The following KDM6A variants were observed in gnomAD, a reference collection of about 807,000 sequenced individuals.
KDM6A encodes lysine demethylase 6A.
Under a neutral mutation model 117.6 loss-of-function variants are expected in KDM6A, and 11 were observed. That is an observed-to-expected ratio of 0.09 (90% CI 0.06 to 0.15). The LOEUF (loss-of-function observed/expected upper bound fraction) is 0.15, where lower values mean the gene tolerates loss of function less well. Among genes scored for constraint, KDM6A ranks in the 10% least tolerant of loss-of-function variants. The probability of loss-of-function intolerance (pLI) is 1.00; values close to 1 mark genes in which losing one functional copy is unlikely to be tolerated. For synonymous variants in KDM6A, 384 were observed against 396.1 expected (o/e 0.97, Z 0.36); for missense variants, 799 against 1,077.3 (o/e 0.74, Z 3.62).
chrX:44,964,654 G>A (rs751966487), intron 3 of KDM6A, among the ~76,000 whole-genome samples: 64 of 111,256 alleles, frequency 5.8e-4, no homozygotes, highest in Non-Finnish European at 1.1e-3. Context: ...TCTCAACAGT[G>A]GGCTGAAAAT....
intron 4 of KDM6A, among the ~76,000 whole-genome samples, chrX:44,978,833 G>A (rs1472381045): frequency 9.0e-6 from 1 of 111,709 alleles, no homozygotes; most frequent in Non-Finnish European, 1.9e-5. Flanking sequence ...ATCATGTAAT[G>A]GGGTTTAAAC....
At chrX:44,888,211 A>G (rs1351638247) in intron 2 of KDM6A, among the ~76,000 whole-genome samples, 1 of 110,832 alleles carries the variant, frequency 9.0e-6, no homozygotes, top group African/African-American at 3.3e-5. Flanking sequence ...AGGCTGAGGC[A>G]GAGAATTGCT....
At chrX:44,979,277 CTTTCTTGT>C (rs2039767676) in intron 4 of KDM6A, among the ~76,000 whole-genome samples, 1 of 111,189 alleles carries the variant, frequency 9.0e-6, no homozygotes, top group Admixed American at 9.6e-5. Flanking sequence ...GTTTTTTCTT[CTTTCTTGT>C]TTTCTTTCTT....
At chrX:45,055,837 G>A (rs775096190) in intron 10 of KDM6A, among the ~76,000 whole-genome samples, 105 of 111,626 alleles carry the variant, frequency 9.4e-4, no homozygotes, top group Admixed American at 3.2e-3. Context: ...TCTGACCTAA[G>A]ATAGTTTAAT....
chrX:44,902,285 A>G (rs977615905), intron 2 of KDM6A, among the ~76,000 whole-genome samples: 1 of 111,185 alleles, frequency 9.0e-6, no homozygotes, highest in Non-Finnish European at 1.9e-5. Context: ...GTAAGTGTTT[A>G]TTTGCATTTT....
At chrX:44,992,807 A>G (rs1173267605) in intron 4 of KDM6A, among the ~76,000 whole-genome samples, 1 of 110,416 alleles carries the variant, frequency 9.1e-6, no homozygotes, top group Non-Finnish European at 1.9e-5. Context: ...CGGCCTTCCA[A>G]AGTGCTGGGA....
At chrX:44,988,932 G>A (rs920721582) in intron 4 of KDM6A, among the ~76,000 whole-genome samples, 1 of 110,197 alleles carries the variant, frequency 9.1e-6, no homozygotes, top group Non-Finnish European at 1.9e-5. Flanking sequence ...TGTCTTCAAA[G>A]CTGTCAGACA....
At chrX:44,966,675 A>T (rs150549516) in intron 3 of KDM6A, among the ~76,000 whole-genome samples, 4,165 of 110,324 alleles carry the variant, frequency 0.038, 217 homozygotes, top group African/African-American at 0.13. Context: ...GGTAGTTAGC[A>T]GCTTGATTAA....
intron 17 of KDM6A, among the ~76,000 whole-genome samples, chrX:45,066,142 A>G (rs1434492099): frequency 8.9e-6 from 1 of 112,385 alleles, no homozygotes; most frequent in Admixed American, 9.5e-5. Flanking sequence ...CTGATCCTTT[A>G]CAGAAAAGAT....
chrX:45,000,442 G>C (rs1320466180), intron 4 of KDM6A, among the ~76,000 whole-genome samples: 3 of 111,197 alleles, frequency 2.7e-5, no homozygotes, highest in Non-Finnish European at 3.8e-5. Flanking sequence ...GAAGTGCCAG[G>C]GTGAAAGGGG....
chrX:44,987,572 T>C (rs2040304391), intron 4 of KDM6A, among the ~76,000 whole-genome samples: 3 of 111,991 alleles, frequency 2.7e-5, no homozygotes, highest in African/African-American at 9.8e-5. Flanking sequence ...TGTTCAGTGC[T>C]TCCTTCAGGA....
chrX:44,978,998 G>A (rs2039752617), intron 4 of KDM6A, among the ~76,000 whole-genome samples: 1 of 111,816 alleles, frequency 8.9e-6, no homozygotes, highest in Non-Finnish European at 1.9e-5. Context: ...TAAGTATTTG[G>A]GTTGTTTTCA....
chrX:44,909,970 T>A (rs748669226), intron 2 of KDM6A, among the ~76,000 whole-genome samples: 1 of 112,194 alleles, frequency 8.9e-6, no homozygotes, highest in Non-Finnish European at 1.9e-5. Flanking sequence ...ATAATAACCT[T>A]TTTTTCTTAA....
chrX:44,904,456 A>G (rs916668129), intron 2 of KDM6A, among the ~76,000 whole-genome samples: 2 of 111,952 alleles, frequency 1.8e-5, no homozygotes, highest in South Asian at 3.7e-4. Context: ...TCTTACAGAC[A>G]TCTCAGTCTC....
chrX:45,104,740 A>G (rs2046465143), intron 27 of KDM6A, among the ~76,000 whole-genome samples: 2 of 111,800 alleles, frequency 1.8e-5, no homozygotes, highest in African/African-American at 6.5e-5. Context: ...CAGAAATCAC[A>G]GTTTTGTTAT....
intron 3 of KDM6A, among the ~76,000 whole-genome samples, chrX:44,968,193 A>G (rs2039131265): frequency 8.9e-6 from 1 of 112,520 alleles, no homozygotes; most frequent in African/African-American, 3.2e-5. Context: ...CCAGGCCTTT[A>G]TACTCCAATT....
chrX:44,972,034 A>G lies in KDM6A; in HGVS notation c.335-2632A>G, dbSNP rs1297291514. Among the ~76,000 whole-genome samples the G allele has an allele frequency of 5.4e-5, 6 of 110,663 alleles. No homozygotes were observed. The Admixed American group carries it at 5.8e-4, about 11-fold the overall frequency. ...TTTGGGGGGAGTGTTGGCAATACCAAGAAGCTTTTTTGGGGCGGTTTGTCC... is the reference window on the plus strand; with the variant it reads ...TTTGGGGGGAGTGTTGGCAATACCAGGAAGCTTTTTTGGGGCGGTTTGTCC... On this transcript the variant is annotated intron_variant, in intron 3 of 29. Transcript: ENST00000611820.
chrX:44,948,383 G>C (rs1473076879), intron 2 of KDM6A, among the ~76,000 whole-genome samples: 1 of 111,890 alleles, frequency 8.9e-6, no homozygotes, highest in Non-Finnish European at 1.9e-5. Flanking sequence ...CCCAGAAACA[G>C]AGCTGTGTGT....
chrX:45,096,654 C>T (rs2046121036), intron 27 of KDM6A, among the ~76,000 whole-genome samples: 1 of 111,487 alleles, frequency 9.0e-6, no homozygotes, highest in Admixed American at 9.6e-5. Context: ...GCAAAAACCA[C>T]AGTGAGATAC....
Sources: allele counts gnomAD v4.1 joint callset (sites outside exome capture counted in the v4.1 genomes callset), GRCh38; gene constraint gnomAD v4.1.1; transcripts MANE v1.5; gene names NCBI Gene and HGNC (gene_info 2026-07-23, HGNC 2026-07-21).